The following PRDM2 variants were observed in gnomAD, a reference collection of about 807,000 sequenced individuals.
PRDM2 encodes PR domain zinc finger protein 2.
In PRDM2, 30 loss-of-function variants were observed where a neutral mutation model predicts 130.0. That is an observed-to-expected ratio of 0.23 (90% confidence interval 0.17 to 0.31). PRDM2 has a LOEUF of 0.31. Ranked by LOEUF, PRDM2 falls within the 10% of genes least tolerant of loss-of-function variation. The pLI is 1.00. For synonymous variants in PRDM2, 871 were observed against 782.4 expected (o/e 1.11, Z -1.89); for missense variants, 2,011 against 2,108.4 (o/e 0.95, Z 0.90).
chr1:13,745,632 T>G (rs1264999307), intron 5 of PRDM2, among the ~76,000 whole-genome samples: 1 of 152,074 alleles, frequency 6.6e-6, no homozygotes, highest in East Asian at 1.9e-4. Context: ...ACCATATTGG[T>G]CAGGTGGTCT....
At chr1:13,796,725 C>T (rs1344706136) in intron 8 of PRDM2, among the ~76,000 whole-genome samples, 1 of 152,190 alleles carries the variant, frequency 6.6e-6, no homozygotes, top group East Asian at 1.9e-4. Context: ...GTGTTCCTGC[C>T]TGGCCAGCAG....
At chr1:13,724,190 T>A in intron 2 of PRDM2, among the ~76,000 whole-genome samples, 1 of 152,174 alleles carries the variant, frequency 6.6e-6, no homozygotes, top group Admixed American at 6.5e-5. Flanking sequence ...GTTTAAAGTA[T>A]TGGGAACTTT....
chr1:13,820,157 G>A lies in PRDM2; in HGVS notation c.*24-3002G>A, dbSNP rs148612645. On this transcript the variant is annotated intron_variant, in intron 9 of 9. Coordinates refer to ENST00000311066, the MANE Select transcript of PRDM2 (RefSeq NM_001393986.1). Reference sequence around the variant, plus strand: ...CGGATCTTCGACTTCTAATTGGGCCGTGCCTCCTTGCAAAACTGTGTGTGC... The same window carrying A: ...CGGATCTTCGACTTCTAATTGGGCCATGCCTCCTTGCAAAACTGTGTGTGC... Among the ~76,000 whole-genome samples, 25 of 152,292 alleles carry A rather than the reference G, an allele frequency of 1.6e-4. 1 individual carries two copies. Among genetic ancestry groups the A allele is most frequent in the East Asian group, 3.9e-4 (2 of 5,184 alleles).
chr1:13,738,867 A>C (rs1161596602), intron 4 of PRDM2: 1 of 152,006 alleles, frequency 6.6e-6, no homozygotes, highest in Non-Finnish European at 1.5e-5. Context: ...TGTCAGTTTT[A>C]TAATCTTCAA....
At chr1:13,749,308 GC>G in intron 5 of PRDM2, 52 bp from the exon 6 acceptor site, 1 of 1,309,166 alleles carries the variant, frequency 7.6e-7, no homozygotes, top group Non-Finnish European at 1.0e-6. Flanking sequence ...CCCCGCCCCC[GC>G]CAACAACCGC....
At chr1:13,791,263 G>A (rs996821917) in intron 8 of PRDM2, among the ~76,000 whole-genome samples, 3 of 152,108 alleles carry the variant, frequency 2.0e-5, no homozygotes, top group Non-Finnish European at 2.9e-5. Flanking sequence ...GCCTTTATTA[G>A]TCAGGAGTTG....
At chr1:13,750,572 G>A (rs539271680) in intron 6 of PRDM2, among the ~76,000 whole-genome samples, 1 of 152,210 alleles carries the variant, frequency 6.6e-6, no homozygotes, top group Admixed American at 6.5e-5. Flanking sequence ...AGGAATGTAG[G>A]CAAGAAGTCT....
chr1:13,799,313 C>T (rs995750473), intron 8 of PRDM2, among the ~76,000 whole-genome samples: 2 of 152,024 alleles, frequency 1.3e-5, no homozygotes, highest in African/African-American at 2.4e-5. Flanking sequence ...GGCATAGTGA[C>T]GGGCGTCTGT....
intron 5 of PRDM2, among the ~76,000 whole-genome samples, chr1:13,744,765 C>T (rs1643553665): frequency 6.6e-6 from 1 of 152,136 alleles, no homozygotes; most frequent in South Asian, 2.1e-4. Flanking sequence ...CTGATTTTTG[C>T]AGACCTCCCC....
chr1:13,788,442 A>G (rs1644784731), intron 8 of PRDM2, among the ~76,000 whole-genome samples: 1 of 152,252 alleles, frequency 6.6e-6, no homozygotes, highest in Non-Finnish European at 1.5e-5. Flanking sequence ...ATGAAACCAA[A>G]AAGTTGTGAC....
chr1:13,729,633 T>C (rs1317194958), intron 2 of PRDM2, among the ~76,000 whole-genome samples: 2 of 152,222 alleles, frequency 1.3e-5, no homozygotes, highest in African/African-American at 4.8e-5. Context: ...CTTTAGCTAA[T>C]TAAAAATACC....
intron 1 of PRDM2, among the ~76,000 whole-genome samples, chr1:13,706,710 A>C (rs1465823276): frequency 6.6e-6 from 1 of 151,992 alleles, no homozygotes; most frequent in Non-Finnish European, 1.5e-5. Context: ...TTTTTTTTTA[A>C]ATCATAAATG....
At chr1:13,762,580 C>G (rs568476862) in intron 6 of PRDM2, among the ~76,000 whole-genome samples, 5 of 152,302 alleles carry the variant, frequency 3.3e-5, no homozygotes, top group South Asian at 4.1e-4. Flanking sequence ...GAGCCTTCCT[C>G]CCAGGCTCAG....
intron 2 of PRDM2, among the ~76,000 whole-genome samples, chr1:13,726,902 G>A (rs1274955321): frequency 4.6e-5 from 7 of 152,158 alleles, no homozygotes; most frequent in East Asian, 1.9e-4. Flanking sequence ...AGGACAGGGC[G>A]TACTGGGAGA....
chr1:13,818,353 AC>A lies in PRDM2; in HGVS notation c.*23+1787del, dbSNP rs1645290637. 4.1e-5 allele frequency among the ~76,000 whole-genome samples: 6 copies of A among 146,514 alleles called. No individual in the cohort carries two copies. The South Asian group carries it at 1.3e-3, about 33-fold the overall frequency. Reference sequence around the variant, plus strand: ...CTTTCTTCCTTCTGCCTGCCCTCCAACCCCAAGACCTCACTTCTCTCTTTCC... The same window carrying A: ...CTTTCTTCCTTCTGCCTGCCCTCCAACCCAAGACCTCACTTCTCTCTTTCC... On this transcript the variant is annotated intron_variant, in intron 9 of 9. Transcript: ENST00000311066.
intron 8 of PRDM2, among the ~76,000 whole-genome samples, chr1:13,790,510 AG>A (rs1433921132): frequency 1.3e-5 from 2 of 152,116 alleles, no homozygotes; most frequent in Non-Finnish European, 2.9e-5. Flanking sequence ...CCAAGGCCCA[AG>A]CCCCCTTGGG....
At chr1:13,734,117 G>C (rs1441844172) in intron 4 of PRDM2, among the ~76,000 whole-genome samples, 2 of 152,084 alleles carry the variant, frequency 1.3e-5, no homozygotes, top group Non-Finnish European at 1.5e-5. Context: ...TATTAACGGG[G>C]GGTGTCTTAG....
chr1:13,815,800 G>A lies in PRDM2; in HGVS notation c.5037-627G>A, dbSNP rs575033691. Among the ~76,000 whole-genome samples the A allele has an allele frequency of 9.2e-5, 14 of 152,282 alleles. No individual in the cohort carries two copies. The East Asian group carries it at 2.5e-3, about 27-fold the overall frequency. ...ACAAATAGTACAAAACCATGCCCCC[G>A]AAATTCCTAGATTCACCTCTTTGGG... On this transcript the variant is annotated intron_variant, in intron 8 of 9. Transcript: ENST00000311066.
chr1:13,755,694 A>G (rs1390762488), intron 6 of PRDM2, among the ~76,000 whole-genome samples: 1 of 151,462 alleles, frequency 6.6e-6, no homozygotes, highest in Non-Finnish European at 1.5e-5. Context: ...AGACAATTTC[A>G]TGTTCCAGTT....
Sources: allele counts gnomAD v4.1 joint callset (sites outside exome capture counted in the v4.1 genomes callset), GRCh38; gene constraint gnomAD v4.1.1; transcripts MANE v1.5; gene names NCBI Gene and HGNC (gene_info 2026-07-23, HGNC 2026-07-21).